Variants in RGPD8 observed in about 807,000 individuals in gnomAD.
RGPD8 encodes RANBP2 like and GRIP domain containing 8.
Under a neutral mutation model 89.1 loss-of-function variants are expected in RGPD8, and 15 were observed. The ratio of observed to expected loss-of-function variants is 0.17; its 90% CI spans 0.11 to 0.26. The LOEUF is 0.26. RGPD8 is among the 10% of genes least tolerant of loss of function. The pLI is 1.00. For missense variants in RGPD8, 178 were observed against 1,179.6 expected (o/e 0.15, Z 12.44); for synonymous variants, 62 against 420.9 (o/e 0.15, Z 10.44).
chr2:112,429,934 A>T lies in RGPD8; in HGVS notation c.72+3448T>A, dbSNP rs868442982. ...GCAATTCTCCTGTCTCAGCCTACCG[A>T]GTAGGTGGGACTACAGGCGCTGCCA... On this transcript the variant is annotated intron_variant, in intron 1 of 22. Coordinates refer to ENST00000302558, the MANE Select transcript of RGPD8 (RefSeq NM_001164463.1). 2.0e-3 allele frequency among the ~76,000 whole-genome samples: 306 copies of T among 152,182 alleles called. 2 individuals are homozygous for T. Among genetic ancestry groups the T allele is most frequent in the Non-Finnish European group, 3.2e-3 (220 of 68,006 alleles).
chr2:112,429,524 T>C (rs1226267108), intron 1 of RGPD8, among the ~76,000 whole-genome samples: 2 of 147,300 alleles, frequency 1.4e-5, no homozygotes, highest in African/African-American at 5.0e-5. Flanking sequence ...GTATGAAGTA[T>C]AGATGTAAAG....
intron 22 of RGPD8, among the ~76,000 whole-genome samples, chr2:112,373,120 G>A (rs1426347229): frequency 1.3e-5 from 2 of 151,216 alleles, no homozygotes; most frequent in Non-Finnish European, 2.9e-5. Context: ...TATTTGGGGA[G>A]CAAAGCTGAC....
intron 1 of RGPD8, among the ~76,000 whole-genome samples, chr2:112,431,706 G>A (rs1172448624): frequency 1.3e-5 from 2 of 149,566 alleles, no homozygotes; most frequent in Admixed American, 6.7e-5. Flanking sequence ...GCGCGATCTC[G>A]GCTCACTAGA....
chr2:112,428,249 G>A (rs1679863218), intron 1 of RGPD8, among the ~76,000 whole-genome samples: 1 of 151,896 alleles, frequency 6.6e-6, no homozygotes, highest in Non-Finnish European at 1.5e-5. Context: ...TTCTAGACCA[G>A]CCTGACCAGT....
Position 112,433,540 on chromosome 2 carries a change from G to C in RGPD8, c.-87C>G. 11 of 1,372,194 alleles carry C rather than the reference G, an allele frequency of 8.0e-6. No individual in the cohort carries two copies. Among genetic ancestry groups the C allele is most frequent in the Non-Finnish European group, 9.9e-6 (10 of 1,006,464 alleles). 85.0% of individuals were successfully genotyped at this position (1,372,194 alleles called of 1,614,324 possible). On this transcript the variant is annotated 5_prime_UTR_variant, in exon 1 of 23. Transcript: ENST00000302558. ...ACTTCCAAGAGGAAAGTGCCTGCAAGCCACTGAAGCAGCGGCGTAGCCGGC... is the reference window on the plus strand; with the variant it reads ...ACTTCCAAGAGGAAAGTGCCTGCAACCCACTGAAGCAGCGGCGTAGCCGGC...
rs956806414 is a variant in RGPD8, at chr2:112,433,581, C to G, written c.-128G>C. 45 of 1,028,204 alleles carry G rather than the reference C, an allele frequency of 4.4e-5. No homozygotes were observed. The highest frequency in any genetic ancestry group is 6.4e-4 in the Middle Eastern group (2 of 3,122). 63.7% of individuals were successfully genotyped at this position (1,028,204 alleles called of 1,614,324 possible). ...CGTAGCCGGCGGAGGCCCACTGTGA[C>G]GAGCGTGCGGCGCCGCCCACGGAGG... On this transcript the variant is annotated 5_prime_UTR_variant, in exon 1 of 23. Coordinates refer to ENST00000302558, the MANE Select transcript of RGPD8 (RefSeq NM_001164463.1).
Position 112,431,664 on chromosome 2 carries a change from T to C in RGPD8, c.72+1718A>G, listed in dbSNP as rs1277899609. ...TGGTTTTTTTTTTTTTTTTCTGGAG[T>C]CTCCCTCTGTCGCCCAGGCTGGAGT... On this transcript the variant is annotated intron_variant, in intron 1 of 22. Transcript: ENST00000302558. Among the ~76,000 whole-genome samples the C allele has an allele frequency of 2.7e-5, 4 of 148,332 alleles. No individual in the cohort carries two copies. The East Asian group carries it at 5.9e-4, about 22-fold the overall frequency.
At chr2:112,374,845 T>C in intron 22 of RGPD8, among the ~76,000 whole-genome samples, 1 of 133,488 alleles carries the variant, frequency 7.5e-6, no homozygotes, top group East Asian at 2.5e-4. Context: ...TGAACCATCT[T>C]GTAGTTTACA....
At chr2:112,415,879 C>CAAA (rs1333260729) in intron 6 of RGPD8, among the ~76,000 whole-genome samples, 2 of 114,998 alleles carry the variant, frequency 1.7e-5, no homozygotes, top group Admixed American at 8.5e-5. Flanking sequence ...GACTCAGTCT[C>CAAA]AAAAAAAAAA....
chr2:112,430,455 A>T, intron 1 of RGPD8, among the ~76,000 whole-genome samples: 1 of 101,710 alleles, frequency 9.8e-6, no homozygotes, highest in East Asian at 1.9e-4. Context: ...TTTGGGGGGG[A>T]AAAAAAGACT....
chr2:112,420,610 GA>G (rs1260186873), intron 4 of RGPD8, among the ~76,000 whole-genome samples: 16 of 51,406 alleles, frequency 3.1e-4, no homozygotes, highest in African/African-American at 1.2e-3. Flanking sequence ...AATGAAAAAA[GA>G]AAAAAAAAGT....
At chr2:112,408,705 T>C (rs2951219) in intron 7 of RGPD8, among the ~76,000 whole-genome samples, 1 of 151,856 alleles carries the variant, frequency 6.6e-6, no homozygotes, top group Admixed American at 6.5e-5. Flanking sequence ...AGTCTCGCTC[T>C]GTCGCCAGGC....
rs1398395428 is a variant in RGPD8 at position 112,377,383 on chromosome 2, ACT to A, written c.5263+668_5263+669del. Among the ~76,000 whole-genome samples the A allele has an allele frequency of 5.6e-5, 6 of 106,452 alleles. 2 individuals are homozygous for A. Among genetic ancestry groups the A allele is most frequent in the Non-Finnish European group, 1.2e-4 (6 of 48,182 alleles). 69.8% of individuals were successfully genotyped at this position (106,452 alleles called of 152,430 possible). On this transcript the variant is annotated intron_variant, in intron 22 of 22. Transcript: ENST00000302558. Reference sequence around the variant, plus strand: ...AACCTCCGCCTCGTGAGTTCAAGCGACTCTGCTGCCTCAGCCCCCTGAGTAGC... The same window carrying A: ...AACCTCCGCCTCGTGAGTTCAAGCGACTGCTGCCTCAGCCCCCTGAGTAGC...
At chr2:112,371,147 A>C (rs1312870684) in intron 22 of RGPD8, among the ~76,000 whole-genome samples, 1 of 147,470 alleles carries the variant, frequency 6.8e-6, no homozygotes, top group African/African-American at 2.5e-5. Context: ...AACCACAACA[A>C]ACAAAAACCA....
At chr2:112,429,831 AGAGTCTC>A (rs1325045579) in intron 1 of RGPD8, among the ~76,000 whole-genome samples, 1 of 152,194 alleles carries the variant, frequency 6.6e-6, no homozygotes, top group Non-Finnish European at 1.5e-5. Context: ...TTTTGGAGAC[AGAGTCTC>A]GCTCTGTCAC....
intron 7 of RGPD8, among the ~76,000 whole-genome samples, chr2:112,411,059 G>T (rs1284727461): frequency 2.0e-5 from 3 of 152,194 alleles, no homozygotes; most frequent in African/African-American, 7.2e-5. Context: ...ACTCCAGCCT[G>T]GGCAACAAGA....
intron 1 of RGPD8, among the ~76,000 whole-genome samples, chr2:112,430,212 T>C (rs1679968361): frequency 6.6e-6 from 1 of 152,082 alleles, no homozygotes; most frequent in South Asian, 2.1e-4. Flanking sequence ...CTAGAAGGCA[T>C]GGGCAGTTCA....
At chr2:112,408,916 C>T (rs1339302832) in intron 7 of RGPD8, among the ~76,000 whole-genome samples, 3 of 151,620 alleles carry the variant, frequency 2.0e-5, no homozygotes, top group Admixed American at 1.3e-4. Flanking sequence ...AAGCGATCCG[C>T]CCGCCTCAGC....
At chr2:112,433,312 C>T (rs1680143172) in intron 1 of RGPD8, 70 bp downstream of exon 1, 2 of 1,463,664 alleles carry the variant, frequency 1.4e-6, no homozygotes, top group Admixed American at 4.8e-5. Flanking sequence ...TCGAGGCCGC[C>T]GCCGGGCCGG....
Sources: gnomAD v4.1 joint callset for allele counts (sites outside exome capture counted in the v4.1 genomes callset) on GRCh38, gnomAD v4.1.1 for gene constraint, MANE v1.5 for transcripts, NCBI Gene and HGNC (gene_info 2026-07-23, HGNC 2026-07-21) for gene names.